The following MGMT variants were observed in gnomAD, a reference collection of about 807,000 sequenced individuals.
The protein encoded by MGMT is O-6-methylguanine-DNA methyltransferase, also known as methylated-DNA--protein-cysteine methyltransferase.
In MGMT, 14 loss-of-function variants were observed where a neutral mutation model predicts 15.9. The observed-to-expected ratio is 0.88, with a 90% confidence interval of 0.58 to 1.37. The LOEUF is 1.37. MGMT is among the 40% of genes most tolerant of loss of function. MGMT has a pLI of 0.00. For missense variants in MGMT, 282 were observed against 268.1 expected (o/e 1.05, Z -0.36); for synonymous variants, 130 against 118.2 (o/e 1.10, Z -0.65).
chr10:129,531,639 C>T (rs11016832), intron 1 of MGMT, among the ~76,000 whole-genome samples: 6,945 of 152,216 alleles, frequency 0.046, 551 homozygotes, highest in African/African-American at 0.16. Flanking sequence ...ACTAAACTAA[C>T]TTCTACTGCT....
chr10:129,676,648 A>G (rs1440130769), intron 2 of MGMT, among the ~76,000 whole-genome samples: 3 of 152,174 alleles, frequency 2.0e-5, no homozygotes, highest in Non-Finnish European at 4.4e-5. Flanking sequence ...TCACTTTTAA[A>G]TTGATAAATG....
At chr10:129,680,784 G>T (rs1004808036) in intron 2 of MGMT, among the ~76,000 whole-genome samples, 5 of 152,130 alleles carry the variant, frequency 3.3e-5, no homozygotes, top group Admixed American at 6.5e-5. Flanking sequence ...TGCTTCCCCC[G>T]TGTGCCTGTG....
chr10:129,753,321 T>C (rs1293040919), intron 3 of MGMT, among the ~76,000 whole-genome samples: 2 of 152,168 alleles, frequency 1.3e-5, no homozygotes, highest in Admixed American at 6.5e-5. Flanking sequence ...ATGTGTCCTG[T>C]TTGCAGTTTT....
In MGMT at chr10:129,486,881, T is replaced by C. The variant is rs76610803; in HGVS notation, c.-13+19585T>C. Among the ~76,000 whole-genome samples the C allele has an allele frequency of 3.9e-3, 598 of 152,352 alleles. 1 individual carries two copies. Among genetic ancestry groups the C allele is most frequent in the Middle Eastern group, 0.017 (5 of 294 alleles). On this transcript the variant is annotated intron_variant, in intron 1 of 4. Coordinates refer to ENST00000651593, the MANE Select transcript of MGMT (RefSeq NM_002412.5). The stretch of plus-strand genomic sequence containing the variant: ...AGAAGAAGAGTGTATTCTTTCCTGC[T>C]AGAACTCGCACAACACTGTCATTAA...
chr10:129,539,615 T>A (rs1846022847), intron 2 of MGMT, among the ~76,000 whole-genome samples: 1 of 152,042 alleles, frequency 6.6e-6, no homozygotes, highest in Non-Finnish European at 1.5e-5. Context: ...CACGCCATTC[T>A]CCTGCCTCAG....
In MGMT at chr10:129,707,933, G is replaced by A; in HGVS notation, c.164G>A (p.Gly55Asp). 6.2e-7 allele frequency: 1 copy of A among 1,612,612 alleles called. No individual in the cohort carries two copies. Among genetic ancestry groups the A allele is most frequent in the Non-Finnish European group, 8.5e-7 (1 of 1,180,000 alleles). Residue 55 changes from glycine (G) to aspartate (D), a missense_variant, in exon 3 of 5, where the codon GGT becomes GAT. Transcript: ENST00000651593. ...EVPAPAAVLGGPEPLMQCTAW... is the reference protein window; with the variant it reads ...EVPAPAAVLGDPEPLMQCTAW... ...CCAGCCCCCGCTGCGGTTCTCGGAGGTCCGGAGCCCCTGATGCAGTGCACA... is the reference window on the plus strand; with the variant it reads ...CCAGCCCCCGCTGCGGTTCTCGGAGATCCGGAGCCCCTGATGCAGTGCACA...
chr10:129,669,926 T>C (rs149017903), intron 2 of MGMT, among the ~76,000 whole-genome samples: 3 of 152,328 alleles, frequency 2.0e-5, no homozygotes, highest in Non-Finnish European at 4.4e-5. Context: ...CTATTTAATG[T>C]TTGATAACAA....
At chr10:129,742,035 G>A (rs1292820801) in intron 3 of MGMT, among the ~76,000 whole-genome samples, 2 of 152,230 alleles carry the variant, frequency 1.3e-5, no homozygotes, top group African/African-American at 4.8e-5. Flanking sequence ...GAAGGATAAT[G>A]ATTGGGGAAG....
At chr10:129,660,957 G>A (rs1415800774) in intron 2 of MGMT, among the ~76,000 whole-genome samples, 2 of 152,154 alleles carry the variant, frequency 1.3e-5, no homozygotes, top group Non-Finnish European at 2.9e-5. Context: ...AACTCTGGAA[G>A]TACAGCCGTA....
chr10:129,606,842 TTCC>T (rs1846897231), intron 2 of MGMT, among the ~76,000 whole-genome samples: 1 of 152,266 alleles, frequency 6.6e-6, no homozygotes, highest in African/African-American at 2.4e-5. Flanking sequence ...TGTGAAATGA[TTCC>T]TCATCTCAAT....
chr10:129,748,097 G>A (rs1002745062), intron 3 of MGMT, among the ~76,000 whole-genome samples: 15 of 152,256 alleles, frequency 9.9e-5, no homozygotes, highest in East Asian at 1.9e-4. Flanking sequence ...TACTGCACTC[G>A]TCCCGAAGAA....
chr10:129,635,788 G>A (rs1038184266), intron 2 of MGMT, among the ~76,000 whole-genome samples: 1 of 152,126 alleles, frequency 6.6e-6, no homozygotes, highest in Non-Finnish European at 1.5e-5. Context: ...TACTTCCAAA[G>A]GACTCTCACA....
chr10:129,525,518 C>G (rs1845859477), intron 1 of MGMT, among the ~76,000 whole-genome samples: 1 of 152,152 alleles, frequency 6.6e-6, no homozygotes, highest in African/African-American at 2.4e-5. Flanking sequence ...GCTTCTGGAA[C>G]CTTGCCACCA....
At chr10:129,616,829 AG>A (rs1178367199) in intron 2 of MGMT, among the ~76,000 whole-genome samples, 2 of 152,054 alleles carry the variant, frequency 1.3e-5, no homozygotes, top group Admixed American at 1.3e-4. Flanking sequence ...GTGAGGTGGG[AG>A]AGGGGCCTGG....
At chr10:129,591,795 G>A (rs1846689654) in intron 2 of MGMT, among the ~76,000 whole-genome samples, 1 of 152,146 alleles carries the variant, frequency 6.6e-6, no homozygotes, top group South Asian at 2.1e-4. Context: ...GCCAGGCATG[G>A]TGGTAGGCAC....
At chr10:129,565,896 G>T (rs942953722) in intron 2 of MGMT, among the ~76,000 whole-genome samples, 1 of 151,974 alleles carries the variant, frequency 6.6e-6, no homozygotes, top group Admixed American at 6.6e-5. Flanking sequence ...TGCTTTTTTT[G>T]CTGGGGCTTG....
At chr10:129,766,715 G>C in intron 4 of MGMT, 73 bp from the exon 5 acceptor site, 1 of 1,383,222 alleles carries the variant, frequency 7.2e-7, no homozygotes. Context: ...TGTCAGTCAG[G>C]GCCTTGGCCT....
At chr10:129,709,860 A>C (rs1848210453) in intron 3 of MGMT, among the ~76,000 whole-genome samples, 2 of 151,992 alleles carry the variant, frequency 1.3e-5, no homozygotes, top group South Asian at 4.1e-4. Flanking sequence ...CCGGAGGAGG[A>C]GGCCTCCGCA....
intron 1 of MGMT, among the ~76,000 whole-genome samples, chr10:129,515,758 G>T (rs1407119270): frequency 6.6e-6 from 1 of 152,148 alleles, no homozygotes; most frequent in African/African-American, 2.4e-5. Flanking sequence ...AGGTGGGCCT[G>T]TGGACTGTAA....
Sources: gnomAD v4.1 joint callset for allele counts (sites outside exome capture counted in the v4.1 genomes callset) on GRCh38, gnomAD v4.1.1 for gene constraint, MANE v1.5 for transcripts, NCBI Gene and HGNC (gene_info 2026-07-23, HGNC 2026-07-21) for gene names.